The following SORCS1 variants were observed in gnomAD, a reference collection of about 807,000 sequenced individuals.
SORCS1 encodes VPS10 domain-containing receptor SorCS1.
A neutral mutation model predicts 146.1 loss-of-function variants in SORCS1; 60 were observed. The observed-to-expected ratio is 0.41, with a 90% CI of 0.33 to 0.51. The LOEUF (loss-of-function observed/expected upper bound fraction) is 0.51. Among genes scored for constraint, SORCS1 ranks in the 20% least tolerant of loss-of-function variants. The pLI, the probability that SORCS1 is intolerant of heterozygous loss-of-function variation, is 0.21. For missense variants in SORCS1, 1,352 were observed against 1,487.6 expected (o/e 0.91, Z 1.50); for synonymous variants, 637 against 584.0 (o/e 1.09, Z -1.31).
intron 6 of SORCS1, among the ~76,000 whole-genome samples, chr10:106,726,087 G>A (rs1856141005): frequency 6.6e-6 from 1 of 150,960 alleles, no homozygotes; most frequent in Non-Finnish European, 1.5e-5. Context: ...TGACCTCTCT[G>A]TGCTATTTAC....
intron 9 of SORCS1, among the ~76,000 whole-genome samples, chr10:106,696,065 A>G (rs1355554833): frequency 2.0e-5 from 3 of 152,224 alleles, no homozygotes; most frequent in South Asian, 2.1e-4. Context: ...ATGTTTATAC[A>G]TTATACAGTT....
intron 4 of SORCS1, among the ~76,000 whole-genome samples, chr10:106,774,475 T>G (rs1216642926): frequency 6.6e-6 from 1 of 152,114 alleles, no homozygotes; most frequent in Admixed American, 6.6e-5. Context: ...TAACTAGCTA[T>G]AACAAATTTT....
intron 1 of SORCS1, among the ~76,000 whole-genome samples, chr10:107,041,413 A>T (rs905668705): frequency 6.6e-6 from 1 of 152,014 alleles, no homozygotes; most frequent in Non-Finnish European, 1.5e-5. Flanking sequence ...TTAAAAAAAA[A>T]AAAAAAGAAA....
At chr10:106,587,373 G>A (rs1486061294) in intron 24 of SORCS1, among the ~76,000 whole-genome samples, 1 of 152,188 alleles carries the variant, frequency 6.6e-6, no homozygotes, top group Non-Finnish European at 1.5e-5. Context: ...TCACTTTACA[G>A]TTCAGAGTTC....
intron 3 of SORCS1, among the ~76,000 whole-genome samples, chr10:106,819,452 G>A (rs1220992861): frequency 6.6e-6 from 1 of 152,180 alleles, no homozygotes; most frequent in African/African-American, 2.4e-5. Flanking sequence ...AAATAACAAA[G>A]TGTATCTCCG....
chr10:106,839,988 A>C (rs1948954075), intron 2 of SORCS1, among the ~76,000 whole-genome samples: 1 of 152,202 alleles, frequency 6.6e-6, no homozygotes, highest in Non-Finnish European at 1.5e-5. Flanking sequence ...CTGATAATGT[A>C]CCTAGTCATC....
Position 107,158,767 on chromosome 10 carries a change from C to G in SORCS1, c.558+5202G>C, listed in dbSNP as rs118178570. ...AATTAAAACTAAACACAATAATTTGCGTAAGGCTCTTGGCATAATTTTGGC... is the reference window on the plus strand; with the variant it reads ...AATTAAAACTAAACACAATAATTTGGGTAAGGCTCTTGGCATAATTTTGGC... On this transcript the variant is annotated intron_variant, in intron 1 of 25. Transcript: ENST00000263054. Among the ~76,000 whole-genome samples the G allele has an allele frequency of 1.2e-3, 177 of 152,250 alleles. 1 individual carries two copies. The highest frequency in any genetic ancestry group is 4.2e-3 in the African/African-American group (176 of 41,546).
chr10:107,107,568 A>G (rs973964631), intron 1 of SORCS1, among the ~76,000 whole-genome samples: 25 of 152,232 alleles, frequency 1.6e-4, no homozygotes, highest in African/African-American at 6.0e-4. Flanking sequence ...AGGTAACATC[A>G]GCAAAATAGT....
intron 3 of SORCS1, among the ~76,000 whole-genome samples, chr10:106,785,299 T>G (rs1418704606): frequency 1.3e-5 from 2 of 152,322 alleles, no homozygotes; most frequent in Admixed American, 1.3e-4. Flanking sequence ...CACCTGTTCT[T>G]CTGAGGGCCC....
intron 17 of SORCS1, among the ~76,000 whole-genome samples, chr10:106,659,316 T>C (rs1198310653): frequency 6.6e-6 from 1 of 152,202 alleles, no homozygotes; most frequent in Non-Finnish European, 1.5e-5. Context: ...ATTTGAATAG[T>C]AATAGGAATG....
chr10:106,662,159 G>C (rs1564830771), intron 17 of SORCS1, among the ~76,000 whole-genome samples: 1 of 152,078 alleles, frequency 6.6e-6, no homozygotes, highest in Non-Finnish European at 1.5e-5. Context: ...TAAATATTTT[G>C]GCATCTCATC....
In SORCS1 at chr10:106,800,853, A is replaced by T. The variant is rs376672868; in HGVS notation, c.727-24161T>A. Among the ~76,000 whole-genome samples, 3 of 152,264 alleles carry T rather than the reference A, an allele frequency of 2.0e-5. No individual in the cohort carries two copies. The East Asian group carries it at 5.8e-4, about 29-fold the overall frequency. ...ACCGTACCCGGCCAGTTCCAGGTGA[A>T]TCTTAAAAAGAAACAGAGGGTCTCC... On this transcript the variant is annotated intron_variant, in intron 3 of 25. Coordinates refer to ENST00000263054, the MANE Select transcript of SORCS1 (RefSeq NM_052918.5).
chr10:107,087,002 T>C (rs1347469678), intron 1 of SORCS1, among the ~76,000 whole-genome samples: 3 of 152,238 alleles, frequency 2.0e-5, no homozygotes, highest in Non-Finnish European at 4.4e-5. Context: ...GCACTCAGCC[T>C]GGGCAACAGA....
At chr10:107,141,397 G>A (rs2134720424) in intron 1 of SORCS1, among the ~76,000 whole-genome samples, 1 of 152,182 alleles carries the variant, frequency 6.6e-6, no homozygotes, top group East Asian at 1.9e-4. Flanking sequence ...AGAGCCTATT[G>A]TTAACATTGT....
intron 5 of SORCS1, among the ~76,000 whole-genome samples, chr10:106,743,408 A>G (rs948642608): frequency 1.3e-5 from 2 of 151,958 alleles, no homozygotes; most frequent in Non-Finnish European, 2.9e-5. Context: ...CTGCTTTATT[A>G]TTATCATTAT....
chr10:106,610,798 G>A (rs1015355974), intron 22 of SORCS1, among the ~76,000 whole-genome samples: 7 of 152,204 alleles, frequency 4.6e-5, no homozygotes, highest in African/African-American at 1.7e-4. Flanking sequence ...TAGAATAAGG[G>A]GCCGACGCAG....
In SORCS1 at chr10:106,574,975, T is replaced by C. The variant is rs1564734492; in HGVS notation, c.*2445A>G. On this transcript the variant is annotated 3_prime_UTR_variant, in exon 26 of 26. Transcript: ENST00000263054. ...TCCATTCATTTATTTCTTCAACAAATAGTTTTCATACTACTACTCTAGGCA... is the reference window on the plus strand; with the variant it reads ...TCCATTCATTTATTTCTTCAACAAACAGTTTTCATACTACTACTCTAGGCA... The C allele has an allele frequency of 6.6e-6, 1 of 152,644 alleles. No homozygotes were observed. The highest frequency in any genetic ancestry group is 1.5e-5 in the Non-Finnish European group (1 of 68,036). 9.5% of individuals were successfully genotyped at this position (152,644 alleles called of 1,614,324 possible).
intron 2 of SORCS1, among the ~76,000 whole-genome samples, chr10:106,845,982 G>A (rs1368173593): frequency 1.5e-5 from 2 of 130,874 alleles, no homozygotes; most frequent in African/African-American, 5.0e-5. Flanking sequence ...TTTAGTTACT[G>A]TAGCCTTGTA....
intron 22 of SORCS1, among the ~76,000 whole-genome samples, chr10:106,609,841 G>T (rs931085442): frequency 6.6e-6 from 1 of 152,338 alleles, no homozygotes; most frequent in East Asian, 1.9e-4. Flanking sequence ...CTGGAAGGCT[G>T]GACATTGCTG....
Sources: allele counts gnomAD v4.1 joint callset (sites outside exome capture counted in the v4.1 genomes callset), GRCh38; gene constraint gnomAD v4.1.1; transcripts MANE v1.5; gene names NCBI Gene and HGNC (gene_info 2026-07-23, HGNC 2026-07-21).